The following PCDHA9 variants were observed in gnomAD, a reference collection of about 807,000 sequenced individuals.
PCDHA9 encodes protocadherin alpha 9, also known as protocadherin alpha-9.
In PCDHA9, 62 loss-of-function variants were observed where a neutral mutation model predicts 62.0. That is an observed-to-expected ratio of 1.00 (90% CI 0.81 to 1.23). The LOEUF is 1.23. Among genes scored for constraint, PCDHA9 ranks in the 50% most tolerant of loss-of-function variants. The pLI is 0.00. For missense variants in PCDHA9, 1,205 were observed against 1,249.8 expected, an observed-to-expected ratio of 0.96 and a Z score of 0.54; for synonymous variants, 557 against 567.6, an observed-to-expected ratio of 0.98 and a Z score of 0.27.
intron 3 of PCDHA9, among the ~76,000 whole-genome samples, chr5:141,008,809 C>A (rs1397377778): frequency 6.6e-6 from 1 of 152,160 alleles, no homozygotes; most frequent in African/African-American, 2.4e-5. Flanking sequence ...CAAATAGGCT[C>A]AATTTACAAC....
At chr5:140,949,219 C>T (rs543953096) in intron 1 of PCDHA9, among the ~76,000 whole-genome samples, 3 of 151,842 alleles carry the variant, frequency 2.0e-5, no homozygotes, top group African/African-American at 7.2e-5. Flanking sequence ...TCTGTTTAGA[C>T]TTGTTCTGTG....
At chr5:140,856,003 T>G (rs1554148087) in intron 1 of PCDHA9, 3 of 1,536,896 alleles carry the variant, frequency 2.0e-6, no homozygotes, top group Non-Finnish European at 2.6e-6. Flanking sequence ...CGTATGTGCG[T>G]TCTAGACCGC....
intron 1 of PCDHA9, among the ~76,000 whole-genome samples, chr5:140,945,813 C>G (rs10477097): frequency 1.1e-4 from 16 of 152,202 alleles, no homozygotes; most frequent in African/African-American, 3.6e-4. Context: ...TTATCTCACA[C>G]TGTATACAAA....
At position 141,010,088 on chromosome 5, in the gene PCDHA9, C is replaced by T. The variant is rs1165296922; in HGVS notation, c.*151C>T. ...GAAAGTTCCCTGTGTCTGTCTAGAA[C>T]GCATTTAACAGGTTTTGTCGTAAAA... On this transcript the variant is annotated 3_prime_UTR_variant, in exon 4 of 4. Transcript: ENST00000532602. 2.0e-5 allele frequency: 33 copies of T among 1,612,012 alleles called. No homozygotes were observed. Among genetic ancestry groups the T allele is most frequent in the South Asian group, 4.4e-5 (4 of 90,728 alleles).
chr5:140,995,899 A>G (rs900121248), intron 3 of PCDHA9, among the ~76,000 whole-genome samples: 2 of 152,226 alleles, frequency 1.3e-5, no homozygotes, highest in Non-Finnish European at 2.9e-5. Context: ...ATCAATGTAT[A>G]AAAGAGGAGA....
chr5:140,867,150 G>C lies in PCDHA9; in HGVS notation c.2394+16261G>C, dbSNP rs1027648085. On this transcript the variant is annotated intron_variant, in intron 1 of 3. Coordinates refer to ENST00000532602, the MANE Select transcript of PCDHA9 (RefSeq NM_031857.2). ...AATATGTGATATTATCATTTTTCCA[G>C]AGTAAACCTTCTAAGGTTCATTTCC... The C allele has an allele frequency of 2.0e-5, 3 of 152,068 alleles. No individual in the cohort carries two copies. The East Asian group carries it at 5.8e-4, about 29-fold the overall frequency. The allele number at this position is 152,068 out of a possible 1,614,324, so 9.4% of individuals were successfully genotyped here. A position where few individuals can be genotyped will look rare whatever the true frequency, so the allele number is the denominator to read the frequency against.
chr5:140,934,705 C>T (rs1235956763), intron 1 of PCDHA9, among the ~76,000 whole-genome samples: 8 of 152,132 alleles, frequency 5.3e-5, no homozygotes, highest in African/African-American at 1.9e-4. Flanking sequence ...TCCTGGCCAT[C>T]TTACAAAAAG....
chr5:140,868,952 C>A, intron 1 of PCDHA9: 7 of 1,342,044 alleles, frequency 5.2e-6, no homozygotes, highest in Non-Finnish European at 7.0e-6. Context: ...CAGTGAGGCA[C>A]TCCCATACAA....
At chr5:140,869,727 T>G in intron 1 of PCDHA9, 1 of 1,613,380 alleles carries the variant, frequency 6.2e-7, no homozygotes, top group Non-Finnish European at 8.5e-7. Flanking sequence ...CTCCGGAACT[T>G]AATTTGCTGC....
chr5:140,898,808 C>T (rs1318586303), intron 1 of PCDHA9, among the ~76,000 whole-genome samples: 2 of 152,188 alleles, frequency 1.3e-5, no homozygotes, highest in Non-Finnish European at 2.9e-5. Context: ...GATACTGATT[C>T]TTCCTACCCA....
At chr5:140,854,140 T>A (rs251357) in intron 1 of PCDHA9, 2 of 418,878 alleles carry the variant, frequency 4.8e-6, no homozygotes, top group Non-Finnish European at 3.0e-6. Flanking sequence ...TCAGCCCGGG[T>A]GACAGCAAGA....
chr5:140,966,970 G>C, intron 1 of PCDHA9: 1 of 1,602,870 alleles, frequency 6.2e-7, no homozygotes, highest in Non-Finnish European at 8.5e-7. Flanking sequence ...TGGGGCTTGA[G>C]CTGCGGCGCT....
intron 2 of PCDHA9, 96 bp from the exon 3 acceptor site, chr5:140,982,379 C>T (rs959359344): frequency 1.4e-5 from 22 of 1,575,004 alleles, no homozygotes; most frequent in South Asian, 3.5e-5. Context: ...TAGCTGCAGC[C>T]CTGGCTTCAT....
intron 1 of PCDHA9, among the ~76,000 whole-genome samples, chr5:140,931,209 A>G (rs1554208285): frequency 6.6e-6 from 1 of 152,184 alleles, no homozygotes; most frequent in African/African-American, 2.4e-5. Flanking sequence ...CTAGTATTTC[A>G]GGTATCAGAG....
At chr5:140,898,003 G>A (rs2066458535) in intron 1 of PCDHA9, among the ~76,000 whole-genome samples, 1 of 152,152 alleles carries the variant, frequency 6.6e-6, no homozygotes, top group Non-Finnish European at 1.5e-5. Context: ...AGAAGTGTCT[G>A]TTCATATCCT....
intron 2 of PCDHA9, among the ~76,000 whole-genome samples, chr5:140,979,586 C>T (rs1554240859): frequency 6.6e-6 from 1 of 152,188 alleles, no homozygotes; most frequent in Admixed American, 6.5e-5. Context: ...CCAAATCTAG[C>T]TTACTTTAAA....
At chr5:141,001,653 G>A (rs2098030504) in intron 3 of PCDHA9, among the ~76,000 whole-genome samples, 1 of 152,182 alleles carries the variant, frequency 6.6e-6, no homozygotes, top group African/African-American at 2.4e-5. Context: ...TGTGGGAGAA[G>A]GCGGAGCTTG....
chr5:140,854,108 AC>A lies in PCDHA9; in HGVS notation c.2394+3220del, dbSNP rs1233972098. The A allele has an allele frequency of 1.0e-4, 31 of 299,428 alleles. 3 individuals are homozygous for A. Among genetic ancestry groups the A allele is most frequent in the Non-Finnish European group, 1.4e-4 (30 of 208,480 alleles). The allele number at this position is 299,428 out of a possible 1,614,324, so 18.5% of individuals were successfully genotyped here. A position where few individuals can be genotyped will look rare whatever the true frequency, so the allele number is the denominator to read the frequency against. On this transcript the variant is annotated intron_variant, in intron 1 of 3. Transcript: ENST00000532602. ...GCCTGGGACATTGAGGCTGCAGTGA[AC>A]TGTGATGGCACAACTGCATTTCAGC...
chr5:140,924,057 T>C (rs1337031156), intron 1 of PCDHA9, among the ~76,000 whole-genome samples: 2 of 152,258 alleles, frequency 1.3e-5, no homozygotes, highest in Non-Finnish European at 2.9e-5. Context: ...GGTACATCTT[T>C]ACAGTTGTAT....
Sources: allele counts gnomAD v4.1 joint callset (sites outside exome capture counted in the v4.1 genomes callset), GRCh38; gene constraint gnomAD v4.1.1; transcripts MANE v1.5; gene names NCBI Gene and HGNC (gene_info 2026-07-23, HGNC 2026-07-21).